Variants in ERV3-1 observed in about 807,000 individuals in gnomAD.
ERV3-1 encodes endogenous retrovirus group 3 member 1 Env polyprotein.
A neutral mutation model predicts 24.6 loss-of-function variants in ERV3-1; 36 were observed. The ratio of observed to expected loss-of-function variants is 1.47; its 90% CI spans 1.12 to 1.94. ERV3-1 has a LOEUF of 1.94. ERV3-1 is among the 30% of genes most tolerant of loss of function. The pLI, the probability that ERV3-1 is intolerant of heterozygous loss-of-function variation, is 0.00. For missense variants in ERV3-1, 578 were observed against 330.9 expected (o/e 1.75, Z -5.79); for synonymous variants, 211 against 122.6 (o/e 1.72, Z -4.76).
At position 65,005,942 on chromosome 7, in the gene ERV3-1, G is replaced by C. The variant is rs78313085; in HGVS notation, c.-389+599C>G. ...TACATGACCAGGGAATTTCCACCTT[G>C]ATCGTACAAATTAAGAAACTACATA... On this transcript the variant is annotated intron_variant, in intron 1 of 1. Transcript: ENST00000394323. 7.8e-3 allele frequency: 1,192 copies of C among 152,598 alleles called. 14 individuals carry two copies. Among genetic ancestry groups the C allele is most frequent in the African/African-American group, 0.026 (1,062 of 41,570 alleles). The allele number at this position is 152,598 out of a possible 1,614,324, so 9.5% of individuals were successfully genotyped here.
At chr7:64,998,040 G>A (rs146093322) in intron 1 of ERV3-1, among the ~76,000 whole-genome samples, 381 of 152,266 alleles carry the variant, frequency 2.5e-3, no homozygotes, top group African/African-American at 7.6e-3. Flanking sequence ...ACCTCCTGAG[G>A]TGGGGGCTCA....
At chr7:65,005,052 G>A (rs1786613380) in intron 1 of ERV3-1, 1 of 154,468 alleles carries the variant, frequency 6.5e-6, no homozygotes, top group East Asian at 1.9e-4. Flanking sequence ...TTCTCTAAGG[G>A]TTTGCTTTTC....
Position 64,995,375 on chromosome 7 carries a change from C to T in ERV3-1, c.-388-1961G>A, listed in dbSNP as rs545279473. Among the ~76,000 whole-genome samples, 3 of 152,334 alleles carry T rather than the reference C, an allele frequency of 2.0e-5. No individual in the cohort carries two copies. The South Asian group carries it at 6.2e-4, about 32-fold the overall frequency. On this transcript the variant is annotated intron_variant, in intron 1 of 1. Coordinates refer to ENST00000394323, the MANE Select transcript of ERV3-1 (RefSeq NM_001007253.4). ...GAGTCAGGACCCCTATAGCCATTCC[C>T]TTTAATTCATGGACATATAGAAAGA...
chr7:65,000,920 T>C (rs1228099999), intron 1 of ERV3-1, among the ~76,000 whole-genome samples: 1 of 152,220 alleles, frequency 6.6e-6, no homozygotes, highest in Non-Finnish European at 1.5e-5. Flanking sequence ...ACCATTATCC[T>C]TAGAAAACTA....
intron 1 of ERV3-1, chr7:65,006,295 C>CA (rs1786648018): frequency 1.6e-6 from 1 of 609,486 alleles, no homozygotes; most frequent in Admixed American, 3.0e-5. Flanking sequence ...GAGCTGCCCA[C>CA]AGAGGACTCC....
Position 64,992,095 on chromosome 7 carries a change from A to T in ERV3-1, c.932T>A (p.Leu311Gln), listed in dbSNP as rs1266336379. 5.2e-6 allele frequency: 4 copies of T among 766,410 alleles called. No homozygotes were observed. The Admixed American group carries it at 6.8e-5, about 13-fold the overall frequency. 47.5% of individuals were successfully genotyped at this position (766,410 alleles called of 1,614,324 possible). A position where few individuals can be genotyped will look rare whatever the true frequency, so the allele number is the denominator to read the frequency against. The change falls in exon 2 of 2, where the codon CTA (leucine) becomes CAA (glutamine). Residue 311 changes from leucine (L) to glutamine (Q), a missense_variant. Transcript: ENST00000394323. ...TAGTGTGAAATTATCTTGGGGCATT[A>T]GTTCCCTTGCTTCCCATGGCCATTG... is the stretch of plus-strand genomic sequence containing the variant. ...GDQWPWEARE[L>Q]MPQDNFTLTA...
intron 1 of ERV3-1, among the ~76,000 whole-genome samples, chr7:64,996,896 C>T (rs1280437890): frequency 1.3e-5 from 2 of 152,220 alleles, no homozygotes; most frequent in Non-Finnish European, 2.9e-5. Flanking sequence ...AGAGAAGGAG[C>T]CCAGTCTGGC....
At chr7:65,005,877 T>C (rs763067363) in intron 1 of ERV3-1, among the ~76,000 whole-genome samples, 19 of 152,210 alleles carry the variant, frequency 1.2e-4, no homozygotes, top group Admixed American at 9.2e-4. Context: ...AAAATAAAAT[T>C]CAGGCTTAAC....
Position 64,992,337 on chromosome 7 carries a change from G to A in ERV3-1, c.690C>T (p.Gly230=). The A allele has an allele frequency of 1.3e-6, 1 of 766,318 alleles. No individual in the cohort carries two copies. Among genetic ancestry groups the A allele is most frequent in the African/African-American group, 1.7e-5 (1 of 59,196 alleles). The allele number at this position is 766,318 out of a possible 1,614,324, so 47.5% of individuals were successfully genotyped here. A position where few individuals can be genotyped will look rare whatever the true frequency, so the allele number is the denominator to read the frequency against. ...TATATAGATAGACATAGGCTCCTGGGCCAATTTCTTCACCGCTGACTCGTG... is the reference window on the plus strand; with the variant it reads ...TATATAGATAGACATAGGCTCCTGGACCAATTTCTTCACCGCTGACTCGTG... ...LGARVSGEEI[G]PGAYVYLYII... Residue 230 remains glycine (G), a synonymous_variant, in exon 2 of 2, where the codon GGC becomes GGT. Coordinates refer to ENST00000394323, the MANE Select transcript of ERV3-1 (RefSeq NM_001007253.4).
rs771462000 is a variant in ERV3-1 at position 64,992,533 on chromosome 7, C to T, written c.494G>A (p.Cys165Tyr). Reference sequence around the variant, plus strand: ...AGTGGACCACGTTGTGCAGTCCCAGCAAGTTGTTACTGGGGAATCGGTGGA... The same window carrying T: ...AGTGGACCACGTTGTGCAGTCCCAGTAAGTTGTTACTGGGGAATCGGTGGA... The part of the protein sequence containing the change: ...ACSTDSPVTT[C>Y]WDCTTWSTNQ... Residue 165 changes from cysteine to tyrosine, a missense_variant, in exon 2 of 2, where the codon TGC becomes TAC. Physicochemically the swap from Cys to Tyr is radical, Grantham distance 194. Transcript: ENST00000394323. 1.3e-6 allele frequency: 1 copy of T among 766,240 alleles called. No homozygotes were observed. The highest frequency in any genetic ancestry group is 1.7e-5 in the African/African-American group (1 of 59,102). The allele number at this position is 766,240 out of a possible 1,614,324, so 47.5% of individuals were successfully genotyped here.
intron 1 of ERV3-1, among the ~76,000 whole-genome samples, chr7:64,994,449 A>T (rs115473919): frequency 6.6e-6 from 1 of 151,872 alleles, no homozygotes; most frequent in Admixed American, 6.6e-5. Flanking sequence ...GTAACTTGAG[A>T]CCTCCTGGAG....
chr7:65,002,362 C>T (rs193104363), intron 1 of ERV3-1, among the ~76,000 whole-genome samples: 282 of 152,276 alleles, frequency 1.9e-3, no homozygotes, highest in Middle Eastern at 3.4e-3. Context: ...CTCACTCTGT[C>T]GCCCAGACTA....
Position 64,992,219 on chromosome 7 carries a change from G to A in ERV3-1, c.808C>T (p.Pro270Ser), listed in dbSNP as rs999693353. ...HVNQKLPEPP[P>S]LASNLFAQLA... ...TGGGCGAATAAATTACTGGCCAAGGGAGGGGGCTCAGGCAATTTCTGGTTA... is the reference window on the plus strand; with the variant it reads ...TGGGCGAATAAATTACTGGCCAAGGAAGGGGGCTCAGGCAATTTCTGGTTA... Residue 270 changes from proline to serine, a missense_variant, in exon 2 of 2, where the codon CCC (proline) becomes TCC (serine). By Grantham distance (74) the Pro-to-Ser change is moderately conservative (BLOSUM62 -1). Coordinates refer to ENST00000394323, the MANE Select transcript of ERV3-1 (RefSeq NM_001007253.4). 3.9e-6 allele frequency: 3 copies of A among 766,228 alleles called. No homozygotes were observed. The highest frequency in any genetic ancestry group is 7.2e-6 in the Non-Finnish European group (3 of 417,902). 47.5% of individuals were successfully genotyped at this position (766,228 alleles called of 1,614,324 possible).
Position 65,006,596 on chromosome 7 carries a change from G to A in ERV3-1, c.-444C>T. 1 of 1,571,664 alleles carries A rather than the reference G, an allele frequency of 6.4e-7. No homozygotes were observed. Among genetic ancestry groups the A allele is most frequent in the Non-Finnish European group, 8.7e-7 (1 of 1,143,164 alleles). On this transcript the variant is annotated 5_prime_UTR_variant, in exon 1 of 2. Transcript: ENST00000394323. ...CTTAGCTGTGGATCTCCCAATACCT[G>A]CAGGTAACGAGGCCACAGAAGCTGG...
In ERV3-1 at chr7:64,991,963, T is replaced by G. The variant is rs375983958; in HGVS notation, c.1064A>C (p.Asp355Ala). 18 of 766,280 alleles carry G rather than the reference T, an allele frequency of 2.3e-5. No homozygotes were observed. In the African/African-American group the frequency reaches 3.0e-4, roughly 13 times the overall value. 47.5% of individuals were successfully genotyped at this position (766,280 alleles called of 1,614,324 possible). ...CIARWGKAFT[D>A]PVGELTCLGQ... is the part of the protein sequence containing the mutation. Reference sequence around the variant, plus strand: ...TAGGCAAGTTAACTCTCCTACTGGGTCTGTAAAGGCCTTTCCCCAGCGAGC... The same window carrying G: ...TAGGCAAGTTAACTCTCCTACTGGGGCTGTAAAGGCCTTTCCCCAGCGAGC... The change falls in exon 2 of 2, where the codon GAC becomes GCC. Residue 355 changes from aspartate to alanine, a missense_variant. Asp to Ala is a moderately radical substitution (Grantham distance 126). Transcript: ENST00000394323.
chr7:64,991,683 T>C lies in ERV3-1; in HGVS notation c.1344A>G (p.Leu448=), dbSNP rs999767038. Residue 448 remains leucine (L), a synonymous_variant, in exon 2 of 2, where the codon CTA becomes CTG. Coordinates refer to ENST00000394323, the MANE Select transcript of ERV3-1 (RefSeq NM_001007253.4). ...AGGCTTCTCCCTGTTTTAGGGGCATTAGGAAGAAGGACGGCCTAATTGTCC... is the reference window on the plus strand; with the variant it reads ...AGGCTTCTCCCTGTTTTAGGGGCATCAGGAAGAAGGACGGCCTAATTGTCC... The part of the protein sequence containing the change: ...VLGTIRPSFF[L]MPLKQGEALG... The C allele has an allele frequency of 1.4e-6, 1 of 733,516 alleles. No homozygotes were observed. The highest frequency in any genetic ancestry group is 1.7e-5 in the African/African-American group (1 of 58,566). The allele number at this position is 733,516 out of a possible 1,614,324, so 45.4% of individuals were successfully genotyped here.
Position 64,991,027 on chromosome 7 carries a change from G to A in ERV3-1, c.*185C>T, listed in dbSNP as rs950365725. The A allele has an allele frequency of 2.7e-4, 138 of 502,406 alleles. No individual in the cohort carries two copies. Among genetic ancestry groups the A allele is most frequent in the African/African-American group, 2.3e-3 (120 of 52,230 alleles). 31.1% of individuals were successfully genotyped at this position (502,406 alleles called of 1,614,324 possible). On this transcript the variant is annotated 3_prime_UTR_variant, in exon 2 of 2. Coordinates refer to ENST00000394323, the MANE Select transcript of ERV3-1 (RefSeq NM_001007253.4). ...TGGCAGGGGTTAATACTTAGTTAGG[G>A]CCATTAGTCGTGTGGTAGTCCGTCT...
intron 1 of ERV3-1, among the ~76,000 whole-genome samples, chr7:64,999,249 C>T (rs1037237177): frequency 6.6e-6 from 1 of 152,196 alleles, no homozygotes; most frequent in Non-Finnish European, 1.5e-5. Context: ...CCAATGGTGC[C>T]TTGGGTCACG....
Position 64,992,013 on chromosome 7 carries a change from G to A in ERV3-1, c.1014C>T (p.Thr338=), listed in dbSNP as rs369938986. ...PSSQSIWFLK[T]SIIGKFCIAR... is the part of the protein sequence containing the mutation. ...CAATACAGAATTTTCCAATAATGGA[G>A]GTTTTTAAGAACCAGATGCTCTGAC... The change falls in exon 2 of 2, where the codon ACC becomes ACT. Residue 338 remains threonine, a synonymous_variant. Transcript: ENST00000394323. 5 of 766,294 alleles carry A rather than the reference G, an allele frequency of 6.5e-6. No individual in the cohort carries two copies. Among genetic ancestry groups the A allele is most frequent in the African/African-American group, 3.4e-5 (2 of 59,106 alleles). 47.5% of individuals were successfully genotyped at this position (766,294 alleles called of 1,614,324 possible).
Sources: allele counts gnomAD v4.1 joint callset (sites outside exome capture counted in the v4.1 genomes callset), GRCh38; gene constraint gnomAD v4.1.1; transcripts MANE v1.5; gene names NCBI Gene and HGNC (gene_info 2026-07-23, HGNC 2026-07-21).